The following KIF26B variants were observed in gnomAD, a reference collection of about 807,000 sequenced individuals.
KIF26B encodes the protein kinesin family member 26B.
KIF26B carries 63 observed loss-of-function variants against 151.2 expected under a neutral mutation model. That is an observed-to-expected ratio of 0.42 (90% CI 0.34 to 0.51). KIF26B has a LOEUF of 0.51. Ranked by LOEUF, KIF26B falls within the 20% of genes least tolerant of loss-of-function variation. The pLI is 0.07. For missense variants in KIF26B, 2,813 were observed against 2,913.6 expected (o/e 0.97, Z 0.79); for synonymous variants, 1,357 against 1,262.1 (o/e 1.08, Z -1.59).
chr1:245,200,103 C>T (rs1038826427), intron 2 of KIF26B, among the ~76,000 whole-genome samples: 14 of 152,202 alleles, frequency 9.2e-5, no homozygotes, highest in East Asian at 5.8e-4. Flanking sequence ...TGCACACTCT[C>T]GTTAATCCCA....
At chr1:245,469,031 G>A (rs1439725681) in intron 4 of KIF26B, among the ~76,000 whole-genome samples, 1 of 152,164 alleles carries the variant, frequency 6.6e-6, no homozygotes, top group Non-Finnish European at 1.5e-5. Context: ...TTGTGGTTTT[G>A]TGTTTTAACA....
chr1:245,439,346 C>CAAAA (rs777808376), intron 4 of KIF26B, among the ~76,000 whole-genome samples: 6 of 131,740 alleles, frequency 4.6e-5, no homozygotes, highest in African/African-American at 1.1e-4. Context: ...GACCCTGTCT[C>CAAAA]AAAAAAAAAA....
intron 3 of KIF26B, among the ~76,000 whole-genome samples, chr1:245,372,642 T>TA (rs755678505): frequency 2.0e-5 from 3 of 152,252 alleles, no homozygotes; most frequent in Non-Finnish European, 2.9e-5. Flanking sequence ...TAGTTCCTTG[T>TA]AATCAACTAC....
At chr1:245,253,986 A>G (rs1280870023) in intron 2 of KIF26B, among the ~76,000 whole-genome samples, 2 of 151,080 alleles carry the variant, frequency 1.3e-5, no homozygotes, top group African/African-American at 2.4e-5. Flanking sequence ...ATTTTTTTGT[A>G]TTTTTAGTAG....
chr1:245,369,179 G>C (rs1165983999), intron 3 of KIF26B, among the ~76,000 whole-genome samples: 2 of 126,918 alleles, frequency 1.6e-5, no homozygotes, highest in Non-Finnish European at 3.2e-5. Context: ...GAGAGAGAGA[G>C]AGAGAGAGAG....
At chr1:245,201,140 T>C (rs751961182) in intron 2 of KIF26B, among the ~76,000 whole-genome samples, 22 of 152,188 alleles carry the variant, frequency 1.4e-4, no homozygotes, top group Admixed American at 6.5e-5. Flanking sequence ...CAGAGCTGGC[T>C]CTTGGGTCTG....
chr1:245,430,378 C>T (rs1658748439), intron 4 of KIF26B, among the ~76,000 whole-genome samples: 1 of 151,954 alleles, frequency 6.6e-6, no homozygotes, highest in African/African-American at 2.4e-5. Flanking sequence ...TCGTACTGGC[C>T]AGCCAGGTGG....
At chr1:245,485,131 A>C (rs749492081) in intron 4 of KIF26B, among the ~76,000 whole-genome samples, 1 of 152,190 alleles carries the variant, frequency 6.6e-6, no homozygotes, top group East Asian at 1.9e-4. Flanking sequence ...GGCCAATAAT[A>C]TATAAATCCA....
intron 12 of KIF26B, among the ~76,000 whole-genome samples, chr1:245,697,693 G>A (rs899509924): frequency 6.6e-6 from 1 of 152,078 alleles, no homozygotes; most frequent in Non-Finnish European, 1.5e-5. Flanking sequence ...TGGGGTGCTT[G>A]TCATGACCTC....
At position 245,194,815 on chromosome 1, in the gene KIF26B, A is replaced by G. The variant is rs145604632; in HGVS notation, c.465+38132A>G. 3.5e-3 allele frequency among the ~76,000 whole-genome samples: 529 copies of G among 152,344 alleles called. 11 individuals are homozygous for G. Among genetic ancestry groups the G allele is most frequent in the East Asian group, 4.4e-3 (23 of 5,186 alleles). ...GTAATCAGGTATTGGCGTTTCTTCA[A>G]AAAGCCAAAATCTGTTGTAATAGAA... On this transcript the variant is annotated intron_variant, in intron 2 of 14. Coordinates refer to ENST00000407071, the MANE Select transcript of KIF26B (RefSeq NM_018012.4).
chr1:245,638,678 A>C (rs2043858315), intron 9 of KIF26B, among the ~76,000 whole-genome samples: 1 of 151,854 alleles, frequency 6.6e-6, no homozygotes, highest in African/African-American at 2.4e-5. Context: ...AAATTTGTTG[A>C]GGATTTTCAT....
chr1:245,666,834 C>T lies in KIF26B; in HGVS notation c.2259-17399C>T, dbSNP rs112057689. Among the ~76,000 whole-genome samples the T allele has an allele frequency of 8.0e-3, 1,212 of 152,220 alleles. 18 individuals carry two copies. Among genetic ancestry groups the T allele is most frequent in the African/African-American group, 0.023 (953 of 41,544 alleles). On this transcript the variant is annotated intron_variant, in intron 10 of 14. Transcript: ENST00000407071. Reference sequence around the variant, plus strand: ...TGCTCTGGAGACCTTTGTACCTGTGCAGCATCAGTATAAGGATAGCCTGGG... The same window carrying T: ...TGCTCTGGAGACCTTTGTACCTGTGTAGCATCAGTATAAGGATAGCCTGGG...
intron 4 of KIF26B, among the ~76,000 whole-genome samples, chr1:245,424,991 A>T (rs1213990391): frequency 1.3e-5 from 2 of 151,716 alleles, no homozygotes; most frequent in Non-Finnish European, 2.9e-5. Flanking sequence ...CAGAAAAGAG[A>T]TCGAGACAAC....
chr1:245,169,970 G>A (rs999718711), intron 2 of KIF26B, among the ~76,000 whole-genome samples: 3 of 152,024 alleles, frequency 2.0e-5, no homozygotes, highest in Non-Finnish European at 4.4e-5. Flanking sequence ...CTCCGTGAGC[G>A]TAGTTAATGT....
intron 9 of KIF26B, among the ~76,000 whole-genome samples, chr1:245,614,294 C>A (rs969943592): frequency 6.6e-6 from 1 of 152,152 alleles, no homozygotes; most frequent in African/African-American, 2.4e-5. Flanking sequence ...CCTGCCTCAG[C>A]CTCCTGAGTA....
In KIF26B at chr1:245,676,899, C is replaced by T. The variant is rs74822629; in HGVS notation, c.2259-7334C>T. The stretch of plus-strand genomic sequence containing the variant: ...ACCATCACTTCTCTCCTGCCTGTCA[C>T]TGGGCACAGCCACCAACATTCCAGA... On this transcript the variant is annotated intron_variant, in intron 10 of 14. Coordinates refer to ENST00000407071, the MANE Select transcript of KIF26B (RefSeq NM_018012.4). Among the ~76,000 whole-genome samples, 3 of 152,298 alleles carry T rather than the reference C, an allele frequency of 2.0e-5. No homozygotes were observed. In the East Asian group the frequency reaches 5.8e-4, roughly 29 times the overall value.
intron 2 of KIF26B, among the ~76,000 whole-genome samples, chr1:245,268,987 G>C (rs763896464): frequency 6.6e-6 from 1 of 152,042 alleles, no homozygotes; most frequent in African/African-American, 2.4e-5. Context: ...CACCAAAAAA[G>C]GTGTGTCCAC....
intron 3 of KIF26B, among the ~76,000 whole-genome samples, chr1:245,381,752 T>G (rs920702422): frequency 1.4e-4 from 21 of 152,300 alleles, no homozygotes; most frequent in African/African-American, 5.1e-4. Context: ...CACCAGCCCC[T>G]GGCAAACACC....
At chr1:245,344,923 G>A (rs1274091882) in intron 2 of KIF26B, among the ~76,000 whole-genome samples, 1 of 151,920 alleles carries the variant, frequency 6.6e-6, no homozygotes, top group African/African-American at 2.4e-5. Context: ...CTATCCCCCG[G>A]CTTCAGTTGA....
Sources: gnomAD v4.1 joint callset for allele counts (sites outside exome capture counted in the v4.1 genomes callset) on GRCh38, gnomAD v4.1.1 for gene constraint, MANE v1.5 for transcripts, NCBI Gene and HGNC (gene_info 2026-07-23, HGNC 2026-07-21) for gene names.